The following CRHR1 variants were observed in gnomAD, a reference collection of about 807,000 sequenced individuals.
CRHR1 encodes the protein corticotropin-releasing hormone receptor 1.
Under a neutral mutation model 56.0 loss-of-function variants are expected in CRHR1, and 28 were observed. The ratio of observed to expected loss-of-function variants is 0.50; its 90% confidence interval spans 0.37 to 0.69. CRHR1 has a LOEUF of 0.69. Ranked by LOEUF, CRHR1 falls within the 30% of genes least tolerant of loss-of-function variation. The probability of loss-of-function intolerance (pLI) is 0.00; values close to 1 mark genes in which losing one functional copy is unlikely to be tolerated. For synonymous variants in CRHR1, 195 were observed against 216.5 expected (o/e 0.90, Z 0.87); for missense variants, 376 against 548.0 (o/e 0.69, Z 3.13).
chr17:45,832,034 A>G (rs1308224233), intron 8 of CRHR1, among the ~76,000 whole-genome samples: 2 of 152,012 alleles, frequency 1.3e-5, no homozygotes, highest in African/African-American at 4.8e-5. Context: ...CAGCCTGGCT[A>G]ACATGGTGAA....
intron 1 of CRHR1, among the ~76,000 whole-genome samples, chr17:45,788,084 A>G (rs1366239536): frequency 1.3e-5 from 2 of 152,258 alleles, no homozygotes; most frequent in Admixed American, 6.5e-5. Context: ...GCTCCTCAAA[A>G]GCATCAACCT....
chr17:45,834,768 G>A lies in CRHR1; in HGVS notation c.*4G>A. On this transcript the variant is annotated 3_prime_UTR_variant, in exon 13 of 13. Transcript: ENST00000314537. ...CAAGCAGTCCACAGCAGTCTGAGCT[G>A]GCAGGTCATGGAGCAGCCCCCAAAG... is the stretch of plus-strand genomic sequence containing the variant. 6.2e-7 allele frequency: 1 copy of A among 1,613,522 alleles called. No individual in the cohort carries two copies. Among genetic ancestry groups the A allele is most frequent in the Non-Finnish European group, 8.5e-7 (1 of 1,179,918 alleles).
At chr17:45,828,286 C>T (rs188524150) in intron 4 of CRHR1, among the ~76,000 whole-genome samples, 1 of 152,328 alleles carries the variant, frequency 6.6e-6, no homozygotes, top group Non-Finnish European at 1.5e-5. Flanking sequence ...CGTATCTTGC[C>T]AATCTACATG....
At chr17:45,793,264 G>A (rs190940414) in intron 1 of CRHR1, among the ~76,000 whole-genome samples, 13 of 152,380 alleles carry the variant, frequency 8.5e-5, no homozygotes, top group African/African-American at 2.2e-4. Context: ...CCACGTGCAC[G>A]CAAGGGCAGC....
intron 3 of CRHR1, among the ~76,000 whole-genome samples, chr17:45,819,838 C>T (rs567522554): frequency 2.6e-5 from 4 of 152,172 alleles, no homozygotes; most frequent in Admixed American, 6.5e-5. Context: ...GGGAGTAGTG[C>T]GAGAGAGGAG....
At position 45,784,714 on chromosome 17, in the gene CRHR1, G is replaced by A. The variant is rs2061299600; in HGVS notation, c.33+137G>A. 1 of 905,772 alleles carries A rather than the reference G, an allele frequency of 1.1e-6. No homozygotes were observed. The highest frequency in any genetic ancestry group is 1.5e-6 in the Non-Finnish European group (1 of 651,072). 56.1% of individuals were successfully genotyped at this position (905,772 alleles called of 1,614,324 possible). A position where few individuals can be genotyped will look rare whatever the true frequency, so the allele number is the denominator to read the frequency against. On this transcript the variant is annotated intron_variant, in intron 1 of 12. Transcript: ENST00000314537. This position sits in a 1 kb window ranked among gnomAD's most constrained non-coding sequence, Gnocchi z 4.2. ...TTAGGTCGGGGAAGGCTGGGCTCCGGGGCAGCCTAACTCTCTGGACCTTTG... is the reference window on the plus strand; with the variant it reads ...TTAGGTCGGGGAAGGCTGGGCTCCGAGGCAGCCTAACTCTCTGGACCTTTG...
chr17:45,834,426 G>A (rs573492968), intron 12 of CRHR1, among the ~76,000 whole-genome samples, 198 bp from the exon 13 acceptor site: 1 of 152,324 alleles, frequency 6.6e-6, no homozygotes, highest in South Asian at 2.1e-4. Context: ...CCCTTCCCCA[G>A]GACATTTGAG....
chr17:45,814,114 CAGGGGCCACACTGATGG>C (rs1238272768), intron 2 of CRHR1, among the ~76,000 whole-genome samples: 1 of 152,254 alleles, frequency 6.6e-6, no homozygotes, highest in Non-Finnish European at 1.5e-5. Flanking sequence ...GAAGGAAGGG[CAGGGGCCACACTGATGG>C]AGAGGGTGTG....
intron 1 of CRHR1, among the ~76,000 whole-genome samples, chr17:45,787,587 C>T (rs1286661303): frequency 1.3e-5 from 2 of 152,238 alleles, no homozygotes; most frequent in Non-Finnish European, 2.9e-5. Context: ...CACAGGTCCC[C>T]TTCTCAAGCA....
chr17:45,806,963 G>A (rs1244215636), intron 1 of CRHR1, 47 bp from the exon 2 acceptor site: 2 of 1,559,756 alleles, frequency 1.3e-6, no homozygotes, highest in Non-Finnish European at 1.8e-6. Context: ...ACATGCTCAT[G>A]GCTCATGGCA....
In CRHR1 at chr17:45,805,651, A is replaced by G. The variant is rs570269587; in HGVS notation, c.34-1359A>G. ...GAAGTGATGAAGAGAGCAGCCTCCC[A>G]TGAGGCCTCTTGGGCTTCAGGCTCA... On this transcript the variant is annotated intron_variant, in intron 1 of 12. Coordinates refer to ENST00000314537, the MANE Select transcript of CRHR1 (RefSeq NM_004382.5). 7.0e-4 allele frequency among the ~76,000 whole-genome samples: 107 copies of G among 152,180 alleles called. 1 individual carries two copies. Among genetic ancestry groups the G allele is most frequent in the African/African-American group, 2.4e-3 (101 of 41,508 alleles).
At chr17:45,804,919 A>G (rs2061692636) in intron 1 of CRHR1, among the ~76,000 whole-genome samples, 1 of 151,820 alleles carries the variant, frequency 6.6e-6, no homozygotes, top group African/African-American at 2.4e-5. Flanking sequence ...GGTTCATGCA[A>G]TTCTCCTGCC....
rs895965752 is a variant in CRHR1 at position 45,784,826 on chromosome 17, C to T, written c.33+249C>T. 2.0e-5 allele frequency among the ~76,000 whole-genome samples: 3 copies of T among 152,166 alleles called. No individual in the cohort carries two copies. In the East Asian group the frequency reaches 5.8e-4, roughly 29 times the overall value. On this transcript the variant is annotated intron_variant, in intron 1 of 12. Transcript: ENST00000314537. The surrounding 1 kb of genome is among the most constrained non-coding windows in gnomAD (Gnocchi z 4.2). ...CGGGATGTTGGCGGAGGAGGGGGTCCGCCCACCCGGGTAGCCGGCTCCGCG... is the reference window on the plus strand; with the variant it reads ...CGGGATGTTGGCGGAGGAGGGGGTCTGCCCACCCGGGTAGCCGGCTCCGCG...
At chr17:45,798,504 C>T (rs1157994377) in intron 1 of CRHR1, among the ~76,000 whole-genome samples, 49 of 141,810 alleles carry the variant, frequency 3.5e-4, no homozygotes, top group African/African-American at 1.4e-3. Context: ...CCAGCCTGGG[C>T]GACAAGGCGA....
chr17:45,824,403 G>A (rs1306614521), intron 4 of CRHR1, among the ~76,000 whole-genome samples: 1 of 152,200 alleles, frequency 6.6e-6, no homozygotes, highest in Non-Finnish European at 1.5e-5. Flanking sequence ...CCTCCTGAGG[G>A]TCAGCGCGGG....
chr17:45,822,739 T>C (rs1320769801), intron 4 of CRHR1, among the ~76,000 whole-genome samples: 2 of 151,872 alleles, frequency 1.3e-5, no homozygotes, highest in Non-Finnish European at 2.9e-5. Context: ...TAATCCCAGC[T>C]ACACGGGAGG....
intron 1 of CRHR1, among the ~76,000 whole-genome samples, chr17:45,791,471 G>A (rs2061424229): frequency 6.6e-6 from 1 of 152,068 alleles, no homozygotes; most frequent in Non-Finnish European, 1.5e-5. Flanking sequence ...AAAAGGGGAG[G>A]GAGAAGAAAA....
chr17:45,793,563 C>T (rs931962237), intron 1 of CRHR1, among the ~76,000 whole-genome samples: 5 of 152,296 alleles, frequency 3.3e-5, no homozygotes, highest in African/African-American at 1.2e-4. Context: ...CGTGAGATCC[C>T]GTCCGTTGGC....
At chr17:45,834,501 G>T (rs1435848959) in intron 12 of CRHR1, 123 bp from the exon 13 acceptor site, 3 of 1,077,686 alleles carry the variant, frequency 2.8e-6, no homozygotes, top group East Asian at 5.2e-5. Flanking sequence ...CCCTACTGAG[G>T]ACTTCCATGT....
Sources: allele counts gnomAD v4.1 joint callset (sites outside exome capture counted in the v4.1 genomes callset), GRCh38; gene constraint gnomAD v4.1.1; non-coding constraint Gnocchi (gnomAD v3.1); transcripts MANE v1.5; gene names NCBI Gene and HGNC (gene_info 2026-07-23, HGNC 2026-07-21).